Variants in EYS observed in about 807,000 individuals in gnomAD.
The protein encoded by EYS is EGF-like photoreceptor maintenance factor.
EYS carries 250 observed loss-of-function variants against 282.1 expected under a neutral mutation model. That is an observed-to-expected ratio of 0.89 (90% CI 0.80 to 0.98). The LOEUF is 0.98. Ranked by LOEUF, EYS falls within the 50% of genes least tolerant of loss-of-function variation. The pLI is 0.00. For missense variants in EYS, 4,016 were observed against 3,709.0 expected, an observed-to-expected ratio of 1.08 and a Z score of -2.15; for synonymous variants, 1,355 against 1,282.9, an observed-to-expected ratio of 1.06 and a Z score of -1.20.
intron 35 of EYS, among the ~76,000 whole-genome samples, chr6:63,972,613 C>T (rs539409289): frequency 1.3e-5 from 2 of 152,162 alleles, no homozygotes; most frequent in East Asian, 3.9e-4. Flanking sequence ...CATAGGTATA[C>T]ATGTGCCATG....
intron 35 of EYS, among the ~76,000 whole-genome samples, chr6:63,964,877 A>C (rs1766231731): frequency 6.6e-6 from 1 of 152,232 alleles, no homozygotes; most frequent in African/African-American, 2.4e-5. Context: ...ACAGCCAGTA[A>C]GATGAGGCAG....
chr6:64,833,918 C>A (rs1477742098), intron 19 of EYS, among the ~76,000 whole-genome samples: 1 of 151,886 alleles, frequency 6.6e-6, no homozygotes, highest in African/African-American at 2.4e-5. Context: ...TTATTTCTGA[C>A]AACTCTACCA....
intron 35 of EYS, among the ~76,000 whole-genome samples, chr6:63,885,742 C>T (rs1018313861): frequency 1.3e-5 from 2 of 152,148 alleles, no homozygotes; most frequent in Non-Finnish European, 2.9e-5. Context: ...AGATACACAG[C>T]TTTGATGGCC....
intron 2 of EYS, among the ~76,000 whole-genome samples, chr6:65,513,425 C>T (rs913004817): frequency 6.6e-5 from 10 of 152,252 alleles, no homozygotes; most frequent in African/African-American, 2.4e-4. Context: ...AGGGAATCCT[C>T]CCTAACTCAT....
At chr6:65,543,306 CT>C (rs1399834224) in intron 2 of EYS, among the ~76,000 whole-genome samples, 1 of 151,226 alleles carries the variant, frequency 6.6e-6, no homozygotes, top group Non-Finnish European at 1.5e-5. Flanking sequence ...ACACAGTCAG[CT>C]GTTTTTTTAC....
intron 22 of EYS, among the ~76,000 whole-genome samples, chr6:64,750,600 C>T (rs1325418525): frequency 6.6e-6 from 1 of 152,068 alleles, no homozygotes; most frequent in Non-Finnish European, 1.5e-5. Flanking sequence ...CTTAAAATTA[C>T]AATTTTAAAT....
chr6:64,992,285 T>G (rs1421848879), intron 14 of EYS, among the ~76,000 whole-genome samples: 2 of 151,934 alleles, frequency 1.3e-5, no homozygotes, highest in African/African-American at 4.8e-5. Context: ...AGTTTTCATT[T>G]CGTTTTATGA....
At position 63,770,863 on chromosome 6, in the gene EYS, C is replaced by T. The variant is rs761169301; in HGVS notation, c.7898+7143G>A. 9.9e-5 allele frequency among the ~76,000 whole-genome samples: 15 copies of T among 152,206 alleles called. No individual in the cohort carries two copies. The East Asian group carries it at 1.4e-3, about 14-fold the overall frequency. On this transcript the variant is annotated intron_variant, in intron 40 of 42. Coordinates refer to ENST00000503581, the MANE Select transcript of EYS (RefSeq NM_001142800.2). ...TGGAATGTGATGGCATATTGAAACT[C>T]GACATGTTTACTAGGACGGGTTGCT...
chr6:65,626,647 C>A (rs538150083), intron 2 of EYS, among the ~76,000 whole-genome samples: 1 of 151,830 alleles, frequency 6.6e-6, no homozygotes. Flanking sequence ...GCCATGGACC[C>A]GAATAAGGAG....
chr6:65,107,159 C>T (rs1308407120), intron 12 of EYS, among the ~76,000 whole-genome samples: 2 of 151,932 alleles, frequency 1.3e-5, no homozygotes, highest in African/African-American at 2.4e-5. Flanking sequence ...TCACTTTCCC[C>T]GATTCCTTTA....
intron 15 of EYS, among the ~76,000 whole-genome samples, chr6:64,937,478 T>C (rs1437302501): frequency 6.6e-6 from 1 of 151,462 alleles, no homozygotes; most frequent in Non-Finnish European, 1.5e-5. Flanking sequence ...AATGAGCAAA[T>C]GATATGAGGA....
At position 63,788,253 on chromosome 6, in the gene EYS, C is replaced by T. The variant is rs1320489387; in HGVS notation, c.7579-4G>A. ...ATTTATTTTTATGATCATCTACCTT[C>T]GAAAGGGAAAAAAAACCTATTAAAA... is the stretch of plus-strand genomic sequence containing the variant. On this transcript the variant is annotated splice_region_variant and splice_polypyrimidine_tract_variant and intron_variant, in intron 38 of 42. Transcript: ENST00000503581. 1.6e-5 allele frequency: 24 copies of T among 1,520,544 alleles called. No homozygotes were observed. Among genetic ancestry groups the T allele is most frequent in the Non-Finnish European group, 1.9e-5 (22 of 1,137,326 alleles). The allele number at this position is 1,520,544 out of a possible 1,614,324, so 94.2% of individuals were successfully genotyped here.
intron 12 of EYS, among the ~76,000 whole-genome samples, chr6:65,062,009 G>C (rs1290258166): frequency 6.6e-6 from 1 of 151,376 alleles, no homozygotes. Context: ...CTTTATTTTT[G>C]TTTATTCATT....
chr6:65,427,896 G>T (rs949680962), intron 5 of EYS, among the ~76,000 whole-genome samples: 3 of 151,818 alleles, frequency 2.0e-5, no homozygotes, highest in Non-Finnish European at 4.4e-5. Flanking sequence ...ACATATAGAT[G>T]ATATCAAGAA....
At chr6:63,764,920 G>A (rs1250395548) in intron 40 of EYS, among the ~76,000 whole-genome samples, 1 of 151,884 alleles carries the variant, frequency 6.6e-6, no homozygotes, top group Non-Finnish European at 1.5e-5. Flanking sequence ...AGCACCCTGT[G>A]AAATAGAGAT....
chr6:64,248,391 C>T (rs977054495), intron 30 of EYS, among the ~76,000 whole-genome samples: 16 of 151,962 alleles, frequency 1.1e-4, no homozygotes, highest in African/African-American at 3.9e-4. Context: ...GAGCTGGAGG[C>T]AGTTGAAGGA....
At position 64,272,449 on chromosome 6, in the gene EYS, G is replaced by C. The variant is rs185007882; in HGVS notation, c.6191+34521C>G. The stretch of plus-strand genomic sequence containing the variant: ...TCCAAATTTAGTGCTTCCTTCAGGA[G>C]CTCTTGTAAGTCAGCCTGGTGGTGA... On this transcript the variant is annotated intron_variant, in intron 30 of 42. Transcript: ENST00000503581. 4.6e-5 allele frequency among the ~76,000 whole-genome samples: 7 copies of C among 152,316 alleles called. No individual in the cohort carries two copies. The East Asian group carries it at 1.3e-3, about 29-fold the overall frequency.
intron 22 of EYS, among the ~76,000 whole-genome samples, chr6:64,672,655 A>T (rs1050735800): frequency 1.3e-5 from 2 of 152,104 alleles, no homozygotes; most frequent in African/African-American, 4.8e-5. Flanking sequence ...GATTTCTGAG[A>T]CCTTACGCAA....
At chr6:65,239,600 G>T (rs1207634232) in intron 12 of EYS, among the ~76,000 whole-genome samples, 1 of 151,952 alleles carries the variant, frequency 6.6e-6, no homozygotes, top group Admixed American at 6.6e-5. Flanking sequence ...GATATAAGCA[G>T]AAATGTAACA....
Sources: gnomAD v4.1 joint callset for allele counts (sites outside exome capture counted in the v4.1 genomes callset) on GRCh38, gnomAD v4.1.1 for gene constraint, MANE v1.5 for transcripts, NCBI Gene and HGNC (gene_info 2026-07-23, HGNC 2026-07-21) for gene names.